The following SCAF4 variants were observed in gnomAD, a reference collection of about 807,000 sequenced individuals.
SCAF4 encodes the protein SR-related CTD associated factor 4, also known as SR-related and CTD-associated factor 4.
A neutral mutation model predicts 129.8 loss-of-function variants in SCAF4; 25 were observed. The observed-to-expected ratio is 0.19, with a 90% CI of 0.14 to 0.27. The LOEUF is 0.27. Ranked by LOEUF, SCAF4 falls within the 10% of genes least tolerant of loss-of-function variation. The pLI, the probability that SCAF4 is intolerant of heterozygous loss-of-function variation, is 1.00. For synonymous variants in SCAF4, 551 were observed against 497.7 expected (o/e 1.11, Z -1.43); for missense variants, 1,246 against 1,457.1 (o/e 0.86, Z 2.36).
chr21:31,714,465 T>C (rs565609776), intron 1 of SCAF4, among the ~76,000 whole-genome samples: 1 of 152,288 alleles, frequency 6.6e-6, no homozygotes, highest in South Asian at 2.1e-4. Context: ...ACTAGCAGAA[T>C]GACTATGAAA....
At chr21:31,699,019 T>A (rs1295385217) in intron 7 of SCAF4, among the ~76,000 whole-genome samples, 3 of 152,044 alleles carry the variant, frequency 2.0e-5, no homozygotes, top group African/African-American at 7.2e-5. Context: ...TGAAAAAGTA[T>A]GAGGGGGAGT....
chr21:31,727,426 T>G (rs537727242), intron 1 of SCAF4, among the ~76,000 whole-genome samples: 2 of 152,210 alleles, frequency 1.3e-5, no homozygotes, highest in African/African-American at 4.8e-5. Flanking sequence ...GCAAAAAAAG[T>G]GGGAGGGGCA....
At chr21:31,716,721 T>C (rs1188415541) in intron 1 of SCAF4, among the ~76,000 whole-genome samples, 2 of 152,172 alleles carry the variant, frequency 1.3e-5, no homozygotes, top group Non-Finnish European at 2.9e-5. Flanking sequence ...AGGGATCATG[T>C]ACAGTCCTTT....
At position 31,701,883 on chromosome 21, in the gene SCAF4, G is replaced by A; in HGVS notation, c.493C>T (p.Pro165Ser). The A allele has an allele frequency of 1.2e-6, 2 of 1,613,942 alleles. No homozygotes were observed. Among genetic ancestry groups the A allele is most frequent in the East Asian group, 4.5e-5 (2 of 44,872 alleles). The change falls in exon 6 of 20, where the codon CCT becomes TCT. Residue 165 changes from proline to serine, a missense_variant. Around this residue, in one of 6 missense-constraint regions of SCAF4, gnomAD observed 143 missense variants for 161.0 expected, o/e 0.89. Coordinates refer to ENST00000286835, the MANE Select transcript of SCAF4 (RefSeq NM_020706.2). ...GAGTTTGGAGTGGCTTGTGTGGGAG[G>A]TTCAGAAGAAACTTTTACTGGAGGT... ...PPPPVKVSSE[P>S]PTQATPNSVP...
At chr21:31,681,590 A>AC (rs1272508104) in intron 19 of SCAF4, among the ~76,000 whole-genome samples, 1 of 152,224 alleles carries the variant, frequency 6.6e-6, no homozygotes, top group Non-Finnish European at 1.5e-5. Flanking sequence ...GTAGAATGTT[A>AC]CCTTTAGCTT....
chr21:31,678,238 A>G (rs2049908865), intron 19 of SCAF4, among the ~76,000 whole-genome samples: 1 of 152,168 alleles, frequency 6.6e-6, no homozygotes. Flanking sequence ...ACCCACTCCT[A>G]CAGATTTGCG....
intron 7 of SCAF4, among the ~76,000 whole-genome samples, chr21:31,697,213 T>G (rs980469918): frequency 2.6e-5 from 4 of 151,212 alleles, no homozygotes; most frequent in African/African-American, 9.7e-5. Context: ...TATACTAATA[T>G]AAAAAAAGAA....
At chr21:31,700,720 T>C in intron 7 of SCAF4, 1 of 425,676 alleles carries the variant, frequency 2.3e-6, no homozygotes, top group Non-Finnish European at 4.3e-6. Context: ...ATTTTCTGTT[T>C]CCTTTACTCC....
intron 1 of SCAF4, among the ~76,000 whole-genome samples, chr21:31,709,563 T>G (rs1432611284): frequency 6.6e-6 from 1 of 152,118 alleles, no homozygotes; most frequent in Non-Finnish European, 1.5e-5. Flanking sequence ...TAGTGTAGCT[T>G]TTAAGGAAAC....
chr21:31,702,197 C>CA (rs761935349), intron 5 of SCAF4, 47 bp downstream of exon 5: 4 of 1,610,458 alleles, frequency 2.5e-6, no homozygotes, highest in South Asian at 2.2e-5. Context: ...GTTTCATGTG[C>CA]AAAAAATCAT....
rs1467840125 is a variant in SCAF4, at chr21:31,671,405, A to G, written c.3438T>C (p.Pro1146=). Residue 1146 remains proline (P), a synonymous_variant, in exon 20 of 20, where the codon CCT becomes CCC. Coordinates refer to ENST00000286835, the MANE Select transcript of SCAF4 (RefSeq NM_020706.2). ...TTTTCACAAATTCCAGTCTCTAACGAGGAGCCTCTGCTGCTGAGCCAGAAT... is the reference window on the plus strand; with the variant it reads ...TTTTCACAAATTCCAGTCTCTAACGGGGAGCCTCTGCTGCTGAGCCAGAAT... The part of the protein sequence containing the change: ...EKDSGSAAEA[P]R 6.2e-7 allele frequency: 1 copy of G among 1,613,092 alleles called. No individual in the cohort carries two copies. The highest frequency in any genetic ancestry group is 8.5e-7 in the Non-Finnish European group (1 of 1,179,528).
intron 1 of SCAF4, among the ~76,000 whole-genome samples, chr21:31,717,870 C>CACATATACACAT (rs1555853934): frequency 8.0e-6 from 1 of 124,818 alleles, no homozygotes; most frequent in Non-Finnish European, 1.6e-5. Flanking sequence ...CACACACACA[C>CACATATACACAT]ATATACACAT....
At chr21:31,700,107 C>T (rs2050486250) in intron 7 of SCAF4, among the ~76,000 whole-genome samples, 1 of 151,878 alleles carries the variant, frequency 6.6e-6, no homozygotes. Context: ...GCTACAGGTG[C>T]ACACCACCAT....
intron 1 of SCAF4, among the ~76,000 whole-genome samples, chr21:31,717,642 C>G (rs2050950158): frequency 6.6e-6 from 1 of 151,888 alleles, no homozygotes; most frequent in African/African-American, 2.4e-5. Context: ...AGCTCAGTTA[C>G]TATGTTTAAA....
chr21:31,680,400 G>A (rs2049968921), intron 19 of SCAF4, among the ~76,000 whole-genome samples: 2 of 152,112 alleles, frequency 1.3e-5, no homozygotes, highest in African/African-American at 4.8e-5. Context: ...TAAGTTGAAG[G>A]TACTGTAATT....
chr21:31,693,605 C>T (rs2123540390), intron 11 of SCAF4, 121 bp from the exon 12 acceptor site: 2 of 513,606 alleles, frequency 3.9e-6, no homozygotes, highest in Non-Finnish European at 6.2e-6. Context: ...TGTAAGAATG[C>T]AATACCTGAG....
chr21:31,731,642 C>G (rs769484988), intron 1 of SCAF4, 21 bp downstream of exon 1: 4 of 1,589,850 alleles, frequency 2.5e-6, no homozygotes, highest in African/African-American at 1.4e-5. Flanking sequence ...CCGGCACCCC[C>G]CTGCCCCAAA....
chr21:31,716,880 T>C (rs1404423695), intron 1 of SCAF4, among the ~76,000 whole-genome samples: 9 of 152,150 alleles, frequency 5.9e-5, no homozygotes. Context: ...TCACTTTACC[T>C]GAAAGCAGAA....
At position 31,671,225 on chromosome 21, in the gene SCAF4, T is replaced by C. The variant is rs2049681714; in HGVS notation, c.*174A>G. 1.9e-6 allele frequency: 1 copy of C among 533,126 alleles called. No homozygotes were observed. The highest frequency in any genetic ancestry group is 3.1e-6 in the Non-Finnish European group (1 of 322,658). 33.0% of individuals were successfully genotyped at this position (533,126 alleles called of 1,614,324 possible). A position where few individuals can be genotyped will look rare whatever the true frequency, so the allele number is the denominator to read the frequency against. ...ATATTTATTCATATTTTCAGTATTT[T>C]TTGTTATTTTGTGGCTATTTTTAAA... On this transcript the variant is annotated 3_prime_UTR_variant, in exon 20 of 20. Transcript: ENST00000286835.
Sources: gnomAD v4.1 joint callset for allele counts (sites outside exome capture counted in the v4.1 genomes callset) on GRCh38, gnomAD v4.1.1 for gene constraint, gnomAD v4.1.1 regional missense constraint, MANE v1.5 for transcripts, NCBI Gene and HGNC (gene_info 2026-07-23, HGNC 2026-07-21) for gene names.